LRRTM4: variants seen among roughly 807,000 people sequenced by gnomAD.
LRRTM4 encodes the protein leucine rich repeat transmembrane neuronal 4, also known as leucine-rich repeat transmembrane neuronal protein 4.
LRRTM4 carries 25 observed loss-of-function variants against 47.6 expected under a neutral mutation model. The ratio of observed to expected loss-of-function variants is 0.53; its 90% CI spans 0.38 to 0.73. The LOEUF (loss-of-function observed/expected upper bound fraction) is 0.73. Ranked by LOEUF, LRRTM4 falls within the 30% of genes least tolerant of loss-of-function variation. LRRTM4 has a pLI of 0.00. For missense variants in LRRTM4, 638 were observed against 713.4 expected (o/e 0.89, Z 1.20); for synonymous variants, 311 against 269.5 (o/e 1.15, Z -1.51).
intron 3 of LRRTM4, among the ~76,000 whole-genome samples, chr2:76,968,412 TA>T (rs1676109893): frequency 7.4e-6 from 1 of 135,134 alleles, no homozygotes; most frequent in Admixed American, 7.7e-5. Flanking sequence ...ATATATGTAG[TA>T]AAATCCCATT....
intron 3 of LRRTM4, among the ~76,000 whole-genome samples, chr2:77,504,319 C>G (rs1678686536): frequency 6.6e-6 from 1 of 151,444 alleles, no homozygotes; most frequent in African/African-American, 2.4e-5. Context: ...CCATATGGCC[C>G]ATAAAGTCTA....
rs72075725 is a variant in LRRTM4, at chr2:77,461,138, TGAGAGA to T, written c.1551+57174_1551+57179del. Among the ~76,000 whole-genome samples the T allele has an allele frequency of 3.7e-3, 537 of 145,442 alleles. 3 individuals are homozygous for T. The highest frequency in any genetic ancestry group is 0.012 in the African/African-American group (481 of 39,422). On this transcript the variant is annotated intron_variant, in intron 3 of 3. Coordinates refer to ENST00000409884, the MANE Select transcript of LRRTM4 (RefSeq NM_001134745.3). ...TATATACGTACATTTACATACACAG[TGAGAGA>T]GAGAGAGAGAGAGAGAGAGAGAGAG...
At chr2:77,073,242 T>C (rs975882053) in intron 3 of LRRTM4, among the ~76,000 whole-genome samples, 3 of 152,150 alleles carry the variant, frequency 2.0e-5, no homozygotes, top group Non-Finnish European at 4.4e-5. Context: ...TATAAGTATT[T>C]TCTTATGTCA....
chr2:77,159,063 G>A (rs950862699), intron 3 of LRRTM4, among the ~76,000 whole-genome samples: 2 of 152,006 alleles, frequency 1.3e-5, no homozygotes, highest in Non-Finnish European at 1.5e-5. Context: ...TGCTAAATTT[G>A]ATGACATTTT....
intron 3 of LRRTM4, among the ~76,000 whole-genome samples, chr2:77,387,059 G>A (rs1351528824): frequency 2.0e-5 from 3 of 152,116 alleles, no homozygotes; most frequent in Non-Finnish European, 4.4e-5. Flanking sequence ...TTTCATGACT[G>A]AGAGGCAGGC....
chr2:77,110,750 A>G (rs984556113), intron 3 of LRRTM4, among the ~76,000 whole-genome samples: 2 of 152,206 alleles, frequency 1.3e-5, no homozygotes, highest in African/African-American at 4.8e-5. Context: ...TAGGTGTCTA[A>G]GGTACATTGA....
At chr2:77,418,734 A>G (rs146758453) in intron 3 of LRRTM4, among the ~76,000 whole-genome samples, 89 of 152,258 alleles carry the variant, frequency 5.8e-4, no homozygotes, top group Non-Finnish European at 1.1e-3. Flanking sequence ...TTGTTCTTCC[A>G]GCCTGAGTTG....
intron 3 of LRRTM4, among the ~76,000 whole-genome samples, chr2:77,286,752 A>T (rs1573197146): frequency 1.3e-5 from 2 of 152,248 alleles, no homozygotes; most frequent in East Asian, 3.9e-4. Context: ...TAACAATACA[A>T]AATATTACAA....
At position 77,376,204 on chromosome 2, in the gene LRRTM4, TCTAA is replaced by T. The variant is rs527519024; in HGVS notation, c.1551+142110_1551+142113del. ...GAGAAATTTTCCATTTAACAGTATATCTAACTAAGTGTTTTATATTAGAATAGTT... is the reference window on the plus strand; with the variant it reads ...GAGAAATTTTCCATTTAACAGTATATCTAAGTGTTTTATATTAGAATAGTT... On this transcript the variant is annotated intron_variant, in intron 3 of 3. Transcript: ENST00000409884. 4.3e-4 allele frequency among the ~76,000 whole-genome samples: 66 copies of T among 151,922 alleles called. No individual in the cohort carries two copies. In the South Asian group the frequency reaches 0.012, roughly 27 times the overall value.
chr2:77,513,984 A>C (rs1679116048), intron 3 of LRRTM4, among the ~76,000 whole-genome samples: 1 of 152,130 alleles, frequency 6.6e-6, no homozygotes. Context: ...TCGTAAAAAA[A>C]TTTAATTAAT....
intron 3 of LRRTM4, among the ~76,000 whole-genome samples, chr2:76,802,419 A>T (rs1481595909): frequency 6.6e-6 from 1 of 152,152 alleles, no homozygotes; most frequent in Non-Finnish European, 1.5e-5. Context: ...CCAGTGAGGT[A>T]AAAGATCTAT....
chr2:77,015,398 G>A (rs1456280096), intron 3 of LRRTM4, among the ~76,000 whole-genome samples: 1 of 151,912 alleles, frequency 6.6e-6, no homozygotes, highest in Non-Finnish European at 1.5e-5. Context: ...GTGCAGTGGT[G>A]CGATCTTAGC....
intron 3 of LRRTM4, among the ~76,000 whole-genome samples, chr2:76,909,410 T>A (rs1673968072): frequency 1.3e-5 from 2 of 152,014 alleles, no homozygotes; most frequent in African/African-American, 4.8e-5. Context: ...AACCTAGGCA[T>A]TACCATTCAG....
At chr2:77,488,783 T>A (rs73942769) in intron 3 of LRRTM4, among the ~76,000 whole-genome samples, 11,069 of 152,068 alleles carry the variant, frequency 0.073, 1,072 homozygotes, top group East Asian at 0.54. Flanking sequence ...CATATTTGAA[T>A]CTGGTACTAC....
rs1677715371 is a variant in LRRTM4, at chr2:77,481,865, AG to A, written c.1551+36452del. ...ACAGACTAACATAAAAAGAGAGTGA[AG>A]GGTTTTTTTTTTTCTTTTTTTTTTT... On this transcript the variant is annotated intron_variant, in intron 3 of 3. Coordinates refer to ENST00000409884, the MANE Select transcript of LRRTM4 (RefSeq NM_001134745.3). 2.9e-5 allele frequency among the ~76,000 whole-genome samples: 3 copies of A among 103,824 alleles called. No homozygotes were observed. In the Admixed American group the frequency reaches 3.3e-4, roughly 11 times the overall value. The allele number at this position is 103,824 out of a possible 152,430, so 68.1% of individuals were successfully genotyped here.
intron 3 of LRRTM4, among the ~76,000 whole-genome samples, chr2:76,785,103 T>C (rs181540192): frequency 2.0e-5 from 3 of 152,240 alleles, no homozygotes; most frequent in African/African-American, 7.2e-5. Flanking sequence ...CCTCCAAAGA[T>C]ATCTTGCTAC....
chr2:76,835,448 G>A (rs1230660357), intron 3 of LRRTM4, among the ~76,000 whole-genome samples: 2 of 152,060 alleles, frequency 1.3e-5, no homozygotes, highest in Non-Finnish European at 2.9e-5. Context: ...TGACTTATTT[G>A]TGAAGATTTC....
intron 3 of LRRTM4, among the ~76,000 whole-genome samples, chr2:77,336,837 AT>A (rs1490008185): frequency 2.0e-5 from 3 of 152,118 alleles, no homozygotes; most frequent in Non-Finnish European, 4.4e-5. Context: ...CATCACTCCT[AT>A]TCAGCATAGT....
intron 3 of LRRTM4, among the ~76,000 whole-genome samples, chr2:76,783,986 T>TAAAC (rs989664139): frequency 1.3e-5 from 2 of 152,154 alleles, no homozygotes; most frequent in Admixed American, 6.5e-5. Flanking sequence ...GTTTGAATGT[T>TAAAC]AAACAGAGTT....
Sources: gnomAD v4.1 joint callset for allele counts (sites outside exome capture counted in the v4.1 genomes callset) on GRCh38, gnomAD v4.1.1 for gene constraint, MANE v1.5 for transcripts, NCBI Gene and HGNC (gene_info 2026-07-23, HGNC 2026-07-21) for gene names.